Variants in PIGN observed in about 807,000 individuals in gnomAD.
PIGN encodes GPI ethanolamine phosphate transferase 1.
Under a neutral mutation model 125.4 loss-of-function variants are expected in PIGN, and 117 were observed. The observed-to-expected ratio is 0.93, with a 90% CI of 0.80 to 1.09. The LOEUF (loss-of-function observed/expected upper bound fraction) is 1.09, where lower values mean the gene tolerates loss of function less well. Ranked by LOEUF, PIGN falls within the 50% of genes least tolerant of loss-of-function variation. The probability of loss-of-function intolerance (pLI) is 0.00; values close to 1 mark genes in which losing one functional copy is unlikely to be tolerated. For missense variants in PIGN, 1,075 were observed against 1,094.9 expected (o/e 0.98, Z 0.26); for synonymous variants, 392 against 377.8 (o/e 1.04, Z -0.44).
intron 12 of PIGN, among the ~76,000 whole-genome samples, chr18:62,139,322 G>C (rs1001869314): frequency 1.3e-5 from 2 of 152,232 alleles, no homozygotes; most frequent in Non-Finnish European, 2.9e-5. Flanking sequence ...CATTGGCTGA[G>C]AGATAACTAC....
intron 25 of PIGN, 118 bp from the exon 26 acceptor site, chr18:62,085,382 A>T: frequency 2.9e-6 from 2 of 691,656 alleles, no homozygotes; most frequent in South Asian, 3.4e-5. Flanking sequence ...TTGTACCATG[A>T]ATTGTTTTCA....
At chr18:62,069,418 A>G (rs1300720768) in intron 30 of PIGN, 1 of 152,234 alleles carries the variant, frequency 6.6e-6, no homozygotes, top group Admixed American at 6.5e-5. Context: ...TACAATAAAC[A>G]AAGGTGGAAA....
intron 29 of PIGN, among the ~76,000 whole-genome samples, chr18:62,073,210 G>A (rs963925396): frequency 2.8e-5 from 4 of 144,806 alleles, no homozygotes; most frequent in Admixed American, 6.8e-5. Flanking sequence ...TGTGTAAGGG[G>A]GGGATGGAGG....
chr18:62,110,938 C>G (rs2034854787), intron 16 of PIGN, among the ~76,000 whole-genome samples: 2 of 148,868 alleles, frequency 1.3e-5, no homozygotes, highest in African/African-American at 4.9e-5. Context: ...ATTAACGTAC[C>G]AAACTCCTCA....
intron 14 of PIGN, among the ~76,000 whole-genome samples, chr18:62,135,212 T>A (rs370821968): frequency 6.6e-6 from 1 of 152,236 alleles, no homozygotes; most frequent in African/African-American, 2.4e-5. Flanking sequence ...GATGCAATAG[T>A]TTCTTAAATA....
At chr18:62,133,842 A>C (rs2035828349) in intron 14 of PIGN, among the ~76,000 whole-genome samples, 1 of 152,234 alleles carries the variant, frequency 6.6e-6, no homozygotes, top group African/African-American at 2.4e-5. Flanking sequence ...TTTAAAAATC[A>C]AACACTACAC....
In PIGN at chr18:62,095,879, A is replaced by G. The variant is rs746252463; in HGVS notation, c.2149T>C (p.Leu717=). The change falls in exon 23 of 31, where the codon TTG becomes CTG. Residue 717 remains leucine (L), a synonymous_variant. Coordinates refer to ENST00000640252, the MANE Select transcript of PIGN (RefSeq NM_176787.5). The part of the protein sequence containing the change: ...FQRLFSILLS[L]MSTYLLLSTG... The stretch of plus-strand genomic sequence containing the variant: ...CTTAGAAGTAGGTAGGTTGACATCA[A>G]TGAAAGAAGTATGCTGAACAATCGC... 10 of 1,612,578 alleles carry G rather than the reference A, an allele frequency of 6.2e-6. No individual in the cohort carries two copies. The highest frequency in any genetic ancestry group is 7.6e-6 in the Non-Finnish European group (9 of 1,178,672).
intron 1 of PIGN, among the ~76,000 whole-genome samples, chr18:62,182,958 A>G (rs2037768715): frequency 6.6e-6 from 1 of 152,178 alleles, no homozygotes; most frequent in African/African-American, 2.4e-5. Flanking sequence ...GCGGGGGGCA[A>G]TTGTAGAGAT....
intron 1 of PIGN, among the ~76,000 whole-genome samples, chr18:62,164,361 C>G (rs2037057628): frequency 6.6e-6 from 1 of 152,136 alleles, no homozygotes; most frequent in South Asian, 2.1e-4. Flanking sequence ...CCATCTGAAA[C>G]TGGGCAATTT....
intron 14 of PIGN, among the ~76,000 whole-genome samples, chr18:62,132,690 GATAAA>G (rs1312864031): frequency 6.6e-6 from 1 of 151,860 alleles, no homozygotes; most frequent in Admixed American, 6.6e-5. Flanking sequence ...AAAAAAAAAT[GATAAA>G]ATAAAATTCT....
At chr18:62,178,120 A>G (rs2037590042) in intron 1 of PIGN, among the ~76,000 whole-genome samples, 2 of 152,160 alleles carry the variant, frequency 1.3e-5, no homozygotes, top group South Asian at 4.1e-4. Context: ...TTTTAAGAAC[A>G]AAGTCCATAC....
At chr18:62,149,523 T>C (rs952072639) in intron 7 of PIGN, among the ~76,000 whole-genome samples, 32 of 152,214 alleles carry the variant, frequency 2.1e-4, no homozygotes, top group African/African-American at 7.7e-4. Flanking sequence ...TTCTGGCAGC[T>C]AGATGTGCCT....
At chr18:62,170,346 A>C (rs151293925) in intron 1 of PIGN, among the ~76,000 whole-genome samples, 1 of 147,344 alleles carries the variant, frequency 6.8e-6, no homozygotes, top group Non-Finnish European at 1.5e-5. Flanking sequence ...TATTGGTGCT[A>C]TTTTTCCAAC....
intron 28 of PIGN, among the ~76,000 whole-genome samples, chr18:62,079,443 G>A (rs2033342578): frequency 6.6e-6 from 1 of 152,160 alleles, no homozygotes; most frequent in African/African-American, 2.4e-5. Context: ...AAATAAAACT[G>A]AAAATGGCTA....
At chr18:62,088,917 T>C (rs912336519) in intron 24 of PIGN, 75 bp from the exon 25 acceptor site, 2 of 797,116 alleles carry the variant, frequency 2.5e-6, no homozygotes, top group African/African-American at 1.7e-5. Flanking sequence ...AAACTTACAA[T>C]GGCTAAGTTA....
rs2030398312 is a variant in PIGN at position 62,041,977 on chromosome 18, T to C, written c.*3879A>G. The C allele has an allele frequency of 6.6e-6, 1 of 152,198 alleles. No homozygotes were observed. The highest frequency in any genetic ancestry group is 6.5e-5 in the Admixed American group (1 of 15,280). The allele number at this position is 152,198 out of a possible 1,614,324, so 9.4% of individuals were successfully genotyped here. On this transcript the variant is annotated 3_prime_UTR_variant, in exon 31 of 31. Transcript: ENST00000640252. ...AATTCCCTTAGAACTAATGTAAATA[T>C]ACCTATTTAAGGTGGTTTGACTAGA...
At chr18:62,152,392 A>G (rs1203603553) in intron 7 of PIGN, among the ~76,000 whole-genome samples, 1 of 152,032 alleles carries the variant, frequency 6.6e-6, no homozygotes, top group Non-Finnish European at 1.5e-5. Flanking sequence ...GAGAGGTATA[A>G]TGAGGCATGT....
At chr18:62,027,139 G>A (rs1250449740) in intron 23 of PIGN, among the ~76,000 whole-genome samples, 1 of 152,108 alleles carries the variant, frequency 6.6e-6, no homozygotes, top group Non-Finnish European at 1.5e-5. Context: ...GGAGGCAGAG[G>A]TTGCAGTGAG....
chr18:62,078,602 C>A (rs1247326995), intron 28 of PIGN, among the ~76,000 whole-genome samples: 1 of 152,198 alleles, frequency 6.6e-6, no homozygotes, highest in Non-Finnish European at 1.5e-5. Context: ...ATGTAATACA[C>A]TATTCAATAT....
Sources: gnomAD v4.1 joint callset for allele counts (sites outside exome capture counted in the v4.1 genomes callset) on GRCh38, gnomAD v4.1.1 for gene constraint, MANE v1.5 for transcripts, NCBI Gene and HGNC (gene_info 2026-07-23, HGNC 2026-07-21) for gene names.